The following LRP1B variants were observed in gnomAD, a reference collection of about 807,000 sequenced individuals.
LRP1B encodes the protein low-density lipoprotein receptor-related protein 1B.
LRP1B carries 217 observed loss-of-function variants against 556.6 expected under a neutral mutation model. The observed-to-expected ratio is 0.39, with a 90% CI of 0.35 to 0.44. LRP1B has a LOEUF of 0.44. LRP1B is among the 20% of genes least tolerant of loss of function. The probability of loss-of-function intolerance (pLI) is 1.00; values close to 1 mark genes in which losing one functional copy is unlikely to be tolerated. For synonymous variants in LRP1B, 2,047 were observed against 1,865.8 expected (o/e 1.10, Z -2.50); for missense variants, 5,053 against 5,620.8 (o/e 0.90, Z 3.23).
intron 41 of LRP1B, among the ~76,000 whole-genome samples, chr2:140,677,463 A>G (rs6711672): frequency 0.85 from 129,007 of 151,542 alleles, 55,582 homozygotes; most frequent in Non-Finnish European, 0.93. Context: ...AGAGAGAGAG[A>G]AAAAAAACCA....
At chr2:140,622,630 A>AT (rs1444055606) in intron 41 of LRP1B, among the ~76,000 whole-genome samples, 2 of 152,158 alleles carry the variant, frequency 1.3e-5, no homozygotes, top group African/African-American at 2.4e-5. Context: ...ACTTTAATTA[A>AT]TTTTTTACCC....
At chr2:141,540,890 C>T (rs754295989) in intron 2 of LRP1B, among the ~76,000 whole-genome samples, 1 of 151,828 alleles carries the variant, frequency 6.6e-6, no homozygotes, top group Non-Finnish European at 1.5e-5. Flanking sequence ...GAATCATGCT[C>T]TACATTTTTA....
At chr2:141,782,540 A>G (rs1406895333) in intron 2 of LRP1B, among the ~76,000 whole-genome samples, 2 of 99,822 alleles carry the variant, frequency 2.0e-5, no homozygotes, top group Non-Finnish European at 3.7e-5. Flanking sequence ...TTTTGGTAGC[A>G]TAATGCTCTA....
intron 3 of LRP1B, among the ~76,000 whole-genome samples, chr2:141,257,450 C>T (rs1573720565): frequency 6.6e-6 from 1 of 152,108 alleles, no homozygotes; most frequent in African/African-American, 2.4e-5. Flanking sequence ...ACTATGGATC[C>T]CATCTTTCTA....
chr2:141,607,435 T>C (rs1687956680), intron 2 of LRP1B, among the ~76,000 whole-genome samples: 1 of 152,160 alleles, frequency 6.6e-6, no homozygotes, highest in African/African-American at 2.4e-5. Flanking sequence ...CTCTAGTAGA[T>C]AGTAGTCATG....
At chr2:141,664,420 G>A (rs925567445) in intron 2 of LRP1B, among the ~76,000 whole-genome samples, 1 of 152,070 alleles carries the variant, frequency 6.6e-6, no homozygotes, top group African/African-American at 2.4e-5. Flanking sequence ...TTCAGCCTGT[G>A]TCTGTTTGCA....
At chr2:140,334,211 AAT>A (rs1352009114) in intron 79 of LRP1B, among the ~76,000 whole-genome samples, 3 of 152,032 alleles carry the variant, frequency 2.0e-5, no homozygotes, top group African/African-American at 7.2e-5. Context: ...AAATCCGACT[AAT>A]AGCCTTACAA....
chr2:141,303,642 C>T (rs1455351250), intron 3 of LRP1B, among the ~76,000 whole-genome samples: 1 of 152,058 alleles, frequency 6.6e-6, no homozygotes, highest in Non-Finnish European at 1.5e-5. Flanking sequence ...CAAAGATACA[C>T]CCCATTTTCT....
intron 3 of LRP1B, among the ~76,000 whole-genome samples, chr2:141,411,693 T>C (rs903004074): frequency 6.6e-6 from 1 of 152,118 alleles, no homozygotes; most frequent in Non-Finnish European, 1.5e-5. Flanking sequence ...CAAATTCACT[T>C]GGCTTTCATC....
chr2:141,000,130 G>C (rs1487486848), intron 15 of LRP1B, among the ~76,000 whole-genome samples: 1 of 151,518 alleles, frequency 6.6e-6, no homozygotes, highest in Non-Finnish European at 1.5e-5. Flanking sequence ...TGTTCCCCAA[G>C]CTGGTCTTGA....
intron 6 of LRP1B, among the ~76,000 whole-genome samples, chr2:141,211,190 G>T (rs149222994): frequency 1.3e-5 from 2 of 151,346 alleles, no homozygotes; most frequent in South Asian, 4.2e-4. Context: ...GTTTCACCAC[G>T]TTGGCCAGGC....
intron 2 of LRP1B, among the ~76,000 whole-genome samples, chr2:141,604,705 C>T (rs571435671): frequency 5.9e-5 from 9 of 152,056 alleles, no homozygotes; most frequent in Non-Finnish European, 1.3e-4. Flanking sequence ...TACACACTCC[C>T]CTATTCTGAG....
intron 1 of LRP1B, among the ~76,000 whole-genome samples, chr2:141,846,032 T>C (rs1055952373): frequency 6.7e-6 from 1 of 149,746 alleles, no homozygotes; most frequent in African/African-American, 2.4e-5. Flanking sequence ...GAGAGAACAG[T>C]TGAGAGATGT....
chr2:140,891,288 C>T (rs1693790768), intron 23 of LRP1B, among the ~76,000 whole-genome samples: 2 of 152,050 alleles, frequency 1.3e-5, no homozygotes, highest in African/African-American at 4.8e-5. Flanking sequence ...TACAGATTTG[C>T]AGAATGATTT....
At chr2:141,389,615 C>G (rs561746993) in intron 3 of LRP1B, among the ~76,000 whole-genome samples, 4 of 151,712 alleles carry the variant, frequency 2.6e-5, no homozygotes, top group African/African-American at 7.3e-5. Flanking sequence ...ACAACAACAA[C>G]AACAAAACAG....
At chr2:141,715,188 C>A (rs1338347975) in intron 2 of LRP1B, among the ~76,000 whole-genome samples, 1 of 152,134 alleles carries the variant, frequency 6.6e-6, no homozygotes, top group Non-Finnish European at 1.5e-5. Context: ...AGCAATTTTG[C>A]CGGGCGTGGT....
intron 2 of LRP1B, among the ~76,000 whole-genome samples, chr2:141,563,066 G>A (rs112778122): frequency 4.6e-5 from 7 of 152,118 alleles, no homozygotes; most frequent in African/African-American, 1.7e-4. Context: ...GATATATGAA[G>A]TGGAGAGAAG....
At chr2:142,018,413 T>C (rs1703221792) in intron 1 of LRP1B, among the ~76,000 whole-genome samples, 1 of 152,186 alleles carries the variant, frequency 6.6e-6, no homozygotes, top group African/African-American at 2.4e-5. Flanking sequence ...TCAACCTACT[T>C]GTAATAACTT....
At chr2:140,878,126 T>A (rs1163311922) in intron 25 of LRP1B, among the ~76,000 whole-genome samples, 3 of 152,170 alleles carry the variant, frequency 2.0e-5, no homozygotes, top group Non-Finnish European at 4.4e-5. Flanking sequence ...GAGGACAATG[T>A]ACTGATAATT....
Sources: allele counts gnomAD v4.1 joint callset (sites outside exome capture counted in the v4.1 genomes callset), GRCh38; gene constraint gnomAD v4.1.1; transcripts MANE v1.5; gene names NCBI Gene and HGNC (gene_info 2026-07-23, HGNC 2026-07-21).